Variants in SEMA3E observed in about 807,000 individuals in gnomAD.
SEMA3E encodes the protein semaphorin 3E, also known as semaphorin-3E.
Under a neutral mutation model 93.6 loss-of-function variants are expected in SEMA3E, and 49 were observed. The ratio of observed to expected loss-of-function variants is 0.52; its 90% CI spans 0.42 to 0.66. SEMA3E has a LOEUF of 0.66. SEMA3E is among the 30% of genes least tolerant of loss of function. SEMA3E has a pLI of 0.00. For synonymous variants in SEMA3E, 363 were observed against 330.7 expected, an observed-to-expected ratio of 1.10 and a Z score of -1.06; for missense variants, 906 against 964.8, an observed-to-expected ratio of 0.94 and a Z score of 0.81.
At chr7:83,584,364 C>T (rs941632447) in intron 1 of SEMA3E, among the ~76,000 whole-genome samples, 2 of 152,004 alleles carry the variant, frequency 1.3e-5, no homozygotes, top group African/African-American at 4.8e-5. Flanking sequence ...ATAAGCTGAC[C>T]TTGTGGGATC....
chr7:83,418,597 A>G lies in SEMA3E; in HGVS notation c.457-114T>C, dbSNP rs530027197. 7.9e-6 allele frequency: 6 copies of G among 757,252 alleles called. No homozygotes were observed. The Admixed American group carries it at 8.3e-5, about 10-fold the overall frequency. The allele number at this position is 757,252 out of a possible 1,614,324, so 46.9% of individuals were successfully genotyped here. ...TTTATAAAGCATGTATTCTAAATAG[A>G]GCACCAGTAGCATCAATTTATTTAG... On this transcript the variant is annotated intron_variant, in intron 4 of 16. Transcript: ENST00000643230.
At chr7:83,373,704 C>T (rs994873688) in intron 16 of SEMA3E, among the ~76,000 whole-genome samples, 5 of 151,978 alleles carry the variant, frequency 3.3e-5, no homozygotes, top group African/African-American at 1.2e-4. Flanking sequence ...TATTCAAAAA[C>T]ATACACGATA....
At chr7:83,635,505 C>T (rs1203962917) in intron 1 of SEMA3E, among the ~76,000 whole-genome samples, 1 of 151,230 alleles carries the variant, frequency 6.6e-6, no homozygotes, top group Non-Finnish European at 1.5e-5. Flanking sequence ...TCTATTTATG[C>T]CCATTAGTTT....
chr7:83,539,046 T>A (rs919884922), intron 1 of SEMA3E, among the ~76,000 whole-genome samples: 1 of 152,042 alleles, frequency 6.6e-6, no homozygotes. Context: ...AAGCTCTGAG[T>A]GGGTAGGTGG....
chr7:83,499,841 G>A (rs529541594), intron 1 of SEMA3E, among the ~76,000 whole-genome samples: 3 of 151,922 alleles, frequency 2.0e-5, no homozygotes, highest in Non-Finnish European at 2.9e-5. Context: ...ACATATACGC[G>A]CATGCACACA....
intron 1 of SEMA3E, among the ~76,000 whole-genome samples, chr7:83,642,878 C>A (rs1196525456): frequency 1.3e-5 from 2 of 151,978 alleles, no homozygotes; most frequent in East Asian, 3.9e-4. Flanking sequence ...AAGACTTTAA[C>A]ACTGGGATGG....
At chr7:83,564,109 G>A (rs1752902900) in intron 1 of SEMA3E, among the ~76,000 whole-genome samples, 1 of 151,960 alleles carries the variant, frequency 6.6e-6, no homozygotes, top group Admixed American at 6.6e-5. Flanking sequence ...TATCCAAATG[G>A]GCAGTGAACT....
intron 4 of SEMA3E, among the ~76,000 whole-genome samples, chr7:83,418,913 G>C (rs1355228758): frequency 6.6e-6 from 1 of 151,918 alleles, no homozygotes; most frequent in African/African-American, 2.4e-5. Context: ...TTTTATTTTT[G>C]ATATAAGGGG....
chr7:83,580,677 T>A (rs1404494835), intron 1 of SEMA3E, among the ~76,000 whole-genome samples: 2 of 151,996 alleles, frequency 1.3e-5, no homozygotes, highest in Admixed American at 1.3e-4. Context: ...CGTGATAAAT[T>A]TCTTTTCCAT....
chr7:83,414,710 T>C (rs949845968), intron 5 of SEMA3E, among the ~76,000 whole-genome samples: 1 of 152,124 alleles, frequency 6.6e-6, no homozygotes, highest in Non-Finnish European at 1.5e-5. Context: ...TTGAAAAGCA[T>C]CCCTAAAAAT....
intron 1 of SEMA3E, among the ~76,000 whole-genome samples, chr7:83,595,675 C>T (rs1016411044): frequency 6.6e-6 from 1 of 151,840 alleles, no homozygotes; most frequent in Non-Finnish European, 1.5e-5. Context: ...TTATTTTGTA[C>T]AATGTTACTC....
chr7:83,639,735 C>T (rs1793964566), intron 1 of SEMA3E, among the ~76,000 whole-genome samples: 1 of 149,544 alleles, frequency 6.7e-6, no homozygotes, highest in Non-Finnish European at 1.5e-5. Flanking sequence ...GGAAAGGAAG[C>T]CTCAGTTCGA....
At chr7:83,507,424 CTGTG>C (rs4016317) in intron 1 of SEMA3E, among the ~76,000 whole-genome samples, 4,672 of 125,870 alleles carry the variant, frequency 0.037, 130 homozygotes, top group African/African-American at 0.073. Context: ...AAACAGAACT[CTGTG>C]TGTGTGTGTG....
intron 4 of SEMA3E, among the ~76,000 whole-genome samples, chr7:83,458,049 A>G (rs1054109498): frequency 6.6e-6 from 1 of 151,616 alleles, no homozygotes; most frequent in African/African-American, 2.4e-5. Context: ...ATATATATAT[A>G]TAATTTTTTC....
intron 2 of SEMA3E, among the ~76,000 whole-genome samples, chr7:83,481,731 G>A (rs1195426154): frequency 6.6e-6 from 1 of 152,086 alleles, no homozygotes; most frequent in Admixed American, 6.5e-5. Flanking sequence ...AATGCAGTGA[G>A]TTAAATAATT....
intron 1 of SEMA3E, among the ~76,000 whole-genome samples, chr7:83,553,572 G>A (rs542290342): frequency 5.3e-5 from 8 of 152,006 alleles, no homozygotes; most frequent in East Asian, 1.9e-4. Flanking sequence ...ATCTGGCCTC[G>A]GTGAGTAATC....
chr7:83,603,996 T>C (rs1199129253), intron 1 of SEMA3E, among the ~76,000 whole-genome samples: 1 of 152,190 alleles, frequency 6.6e-6, no homozygotes, highest in Non-Finnish European at 1.5e-5. Flanking sequence ...CAAGTTATCT[T>C]CTATCAGAAA....
At chr7:83,402,220 T>C (rs1054407175) in intron 10 of SEMA3E, among the ~76,000 whole-genome samples, 8 of 151,980 alleles carry the variant, frequency 5.3e-5, no homozygotes, top group African/African-American at 1.9e-4. Flanking sequence ...CTAATTTAAA[T>C]GTTAGAACAT....
intron 1 of SEMA3E, among the ~76,000 whole-genome samples, chr7:83,637,588 G>A (rs1793905384): frequency 6.6e-6 from 1 of 152,054 alleles, no homozygotes; most frequent in Non-Finnish European, 1.5e-5. Context: ...TTCTGACAGT[G>A]TGTGAGTTCT....
Sources: gnomAD v4.1 joint callset for allele counts (sites outside exome capture counted in the v4.1 genomes callset) on GRCh38, gnomAD v4.1.1 for gene constraint, MANE v1.5 for transcripts, NCBI Gene and HGNC (gene_info 2026-07-23, HGNC 2026-07-21) for gene names.